PDGFRA: variants seen among roughly 807,000 people sequenced by gnomAD.
PDGFRA encodes platelet-derived growth factor receptor alpha.
PDGFRA carries 25 observed loss-of-function variants against 121.5 expected under a neutral mutation model. That is an observed-to-expected ratio of 0.21 (90% CI 0.15 to 0.29). PDGFRA has a LOEUF of 0.29. PDGFRA is among the 10% of genes least tolerant of loss of function. PDGFRA has a pLI of 1.00. For missense variants in PDGFRA, 1,008 were observed against 1,345.1 expected (o/e 0.75, Z 3.92); for synonymous variants, 463 against 494.8 (o/e 0.94, Z 0.85).
intron 2 of PDGFRA, 34 bp downstream of exon 2, chr4:54,258,851 T>C: frequency 6.3e-7 from 1 of 1,589,906 alleles, no homozygotes; most frequent in Non-Finnish European, 8.6e-7. Context: ...GTTCCTTGTT[T>C]GGGTGTCTTG....
chr4:54,288,728 C>G, intron 19 of PDGFRA, 71 bp from the exon 20 acceptor site: 1 of 889,034 alleles, frequency 1.1e-6, no homozygotes, highest in Non-Finnish European at 1.9e-6. Flanking sequence ...TAACAGTGTT[C>G]TATCATGCCA....
intron 1 of PDGFRA, among the ~76,000 whole-genome samples, chr4:54,240,266 A>C (rs1209464224): frequency 6.6e-6 from 1 of 152,218 alleles, no homozygotes; most frequent in Non-Finnish European, 1.5e-5. Context: ...AAGGCAAGAC[A>C]CTTGGTTTTG....
At chr4:54,272,286 G>T in intron 8 of PDGFRA, 108 bp from the exon 9 acceptor site, 1 of 1,169,964 alleles carries the variant, frequency 8.5e-7, no homozygotes, top group Non-Finnish European at 1.3e-6. Flanking sequence ...CCCCTCCGGA[G>T]TGTTTTGAAT....
intron 1 of PDGFRA, among the ~76,000 whole-genome samples, chr4:54,236,292 A>G (rs1046394015): frequency 2.6e-5 from 4 of 152,232 alleles, no homozygotes; most frequent in African/African-American, 9.6e-5. Flanking sequence ...CTGACTTTAG[A>G]TGAGCTCCAG....
At chr4:54,259,256 C>T (rs1427027222) in intron 2 of PDGFRA, among the ~76,000 whole-genome samples, 2 of 152,088 alleles carry the variant, frequency 1.3e-5, no homozygotes, top group Non-Finnish European at 2.9e-5. Context: ...TTGCAGTGCA[C>T]TGTGATTATG....
intron 1 of PDGFRA, among the ~76,000 whole-genome samples, chr4:54,253,849 T>C (rs1722201705): frequency 6.6e-6 from 1 of 152,086 alleles, no homozygotes; most frequent in African/African-American, 2.4e-5. Context: ...CATGCCCGGC[T>C]AATGTTTTTA....
chr4:54,258,973 C>T (rs1042939988), intron 2 of PDGFRA, among the ~76,000 whole-genome samples, 156 bp downstream of exon 2: 1 of 152,148 alleles, frequency 6.6e-6, no homozygotes, highest in Non-Finnish European at 1.5e-5. Flanking sequence ...GACCACAAAC[C>T]TTCAGTTCCC....
In PDGFRA at chr4:54,294,409, C is replaced by T. The variant is rs1724777760; in HGVS notation, c.3123-716C>T. On this transcript the variant is annotated intron_variant, in intron 22 of 22. Transcript: ENST00000257290. ...TGGAATAAATAACATGAGAAAGGTGCCCAGAAGTTTTCTAGGGCTACAACA... is the reference window on the plus strand; with the variant it reads ...TGGAATAAATAACATGAGAAAGGTGTCCAGAAGTTTTCTAGGGCTACAACA... 2.6e-5 allele frequency among the ~76,000 whole-genome samples: 4 copies of T among 151,970 alleles called. No homozygotes were observed. In the South Asian group the frequency reaches 8.4e-4, roughly 32 times the overall value.
At chr4:54,229,574 G>A (rs937566494) in intron 1 of PDGFRA, among the ~76,000 whole-genome samples, 159 bp downstream of exon 1, 2 of 150,138 alleles carry the variant, frequency 1.3e-5, no homozygotes, top group South Asian at 2.1e-4. Context: ...TTTTTTTTCG[G>A]AATAAACTTC....
chr4:54,294,260 G>A (rs1724771327), intron 22 of PDGFRA, among the ~76,000 whole-genome samples: 1 of 151,854 alleles, frequency 6.6e-6, no homozygotes, highest in Admixed American at 6.6e-5. Flanking sequence ...GGAAGGCTGG[G>A]CAGTGAATCT....
rs562519700 is a variant in PDGFRA at position 54,249,473 on chromosome 4, G to T, written c.-12-9284G>T. Among the ~76,000 whole-genome samples the T allele has an allele frequency of 7.7e-3, 1,167 of 152,188 alleles. 17 individuals are homozygous for T. Among genetic ancestry groups the T allele is most frequent in the African/African-American group, 0.026 (1,088 of 41,516 alleles). ...GCAGCCATAAAAAATGATGAGTTCA[G>T]GTCCTTTGTAGGGACATGGATGAAA... On this transcript the variant is annotated intron_variant, in intron 1 of 22. Coordinates refer to ENST00000257290, the MANE Select transcript of PDGFRA (RefSeq NM_006206.6).
chr4:54,238,926 T>C (rs969948586), intron 1 of PDGFRA, among the ~76,000 whole-genome samples: 1 of 151,962 alleles, frequency 6.6e-6, no homozygotes, highest in African/African-American at 2.4e-5. Flanking sequence ...TGAGCTGAGA[T>C]CAGGCCACTG....
chr4:54,264,676 C>T (rs1040349719), intron 4 of PDGFRA: 8 of 427,858 alleles, frequency 1.9e-5, no homozygotes, highest in African/African-American at 1.4e-4. Context: ...ATGCGGTGTT[C>T]TGTTTGATTG....
intron 13 of PDGFRA, 35 bp from the exon 14 acceptor site, chr4:54,277,861 C>T (rs374996327): frequency 7.2e-7 from 1 of 1,381,722 alleles, no homozygotes; most frequent in Non-Finnish European, 1.0e-6. Context: ...GTTGGTAGCT[C>T]AGCTGGACTG....
intron 15 of PDGFRA, 189 bp downstream of exon 15, chr4:54,278,704 A>G (rs572639997): frequency 2.3e-4 from 155 of 669,962 alleles, no homozygotes; most frequent in Middle Eastern, 1.4e-3. Flanking sequence ...GGTGTTTTGG[A>G]CTGGGGTGTC....
intron 7 of PDGFRA, among the ~76,000 whole-genome samples, chr4:54,268,779 T>G (rs1415249840): frequency 1.3e-5 from 2 of 152,226 alleles, no homozygotes; most frequent in East Asian, 3.8e-4. Context: ...CACGAGGAAC[T>G]TCCATGAGGC....
chr4:54,264,544 T>C (rs548458951), intron 4 of PDGFRA: 30 of 286,780 alleles, frequency 1.0e-4, no homozygotes, highest in South Asian at 9.9e-4. Context: ...GAAGAAACAA[T>C]TGGATAGAAA....
chr4:54,248,341 C>G (rs927651354), intron 1 of PDGFRA, among the ~76,000 whole-genome samples: 2 of 152,214 alleles, frequency 1.3e-5, no homozygotes, highest in African/African-American at 4.8e-5. Flanking sequence ...GTAACCAAAA[C>G]AGCATGGTAC....
At chr4:54,293,429 CTTTTTTTTTT>C (rs35064429) in intron 22 of PDGFRA, among the ~76,000 whole-genome samples, 23 of 116,144 alleles carry the variant, frequency 2.0e-4, no homozygotes, top group African/African-American at 7.6e-4. Context: ...CCTAGAATTT[CTTTTTTTTTT>C]TTTTTTTTTG....
Sources: allele counts gnomAD v4.1 joint callset (sites outside exome capture counted in the v4.1 genomes callset), GRCh38; gene constraint gnomAD v4.1.1; transcripts MANE v1.5; gene names NCBI Gene and HGNC (gene_info 2026-07-23, HGNC 2026-07-21).